The following C10orf90 variants were observed in gnomAD, a reference collection of about 807,000 sequenced individuals.
The protein encoded by C10orf90 is chromosome 10 open reading frame 90, also known as (E2-independent) E3 ubiquitin-conjugating enzyme FATS.
In C10orf90, 56 loss-of-function variants were observed where a neutral mutation model predicts 62.5. The observed-to-expected ratio is 0.90, with a 90% CI of 0.72 to 1.12. The LOEUF is 1.12. Among genes scored for constraint, C10orf90 ranks in the 50% most tolerant of loss-of-function variants. The pLI is 0.00. For synonymous variants in C10orf90, 386 were observed against 340.4 expected, an observed-to-expected ratio of 1.13 and a Z score of -1.47; for missense variants, 970 against 880.4, an observed-to-expected ratio of 1.10 and a Z score of -1.29.
At chr10:126,459,303 T>C (rs1859795707) in intron 6 of C10orf90, 86 bp from the exon 7 acceptor site, 5 of 1,507,526 alleles carry the variant, frequency 3.3e-6, no homozygotes, top group South Asian at 2.3e-5. Flanking sequence ...AAGAAGCCGA[T>C]GGCAAGCACA....
chr10:126,541,467 T>A (rs1263266064), intron 2 of C10orf90, among the ~76,000 whole-genome samples: 2 of 152,122 alleles, frequency 1.3e-5, no homozygotes, highest in South Asian at 4.1e-4. Flanking sequence ...AGGTTTAATA[T>A]CCAGAACATA....
At chr10:126,557,744 C>T (rs567334931) in intron 2 of C10orf90, among the ~76,000 whole-genome samples, 1 of 152,302 alleles carries the variant, frequency 6.6e-6, no homozygotes, top group African/African-American at 2.4e-5. Flanking sequence ...ACTTGTAGCT[C>T]TAATAAGTTC....
chr10:126,565,833 A>T (rs982036683), intron 2 of C10orf90, among the ~76,000 whole-genome samples: 14 of 152,152 alleles, frequency 9.2e-5, no homozygotes, highest in African/African-American at 3.1e-4. Flanking sequence ...CTGTTTTGAG[A>T]CTGAGTGAAC....
chr10:126,599,112 C>T, intron 2 of C10orf90, among the ~76,000 whole-genome samples: 1 of 152,008 alleles, frequency 6.6e-6, no homozygotes, highest in Non-Finnish European at 1.5e-5. Flanking sequence ...GCAAGGTCTC[C>T]TCTGCACACC....
At chr10:126,652,825 G>GAA (rs1846317399) in intron 1 of C10orf90, among the ~76,000 whole-genome samples, 1 of 151,990 alleles carries the variant, frequency 6.6e-6, no homozygotes, top group Non-Finnish European at 1.5e-5. Context: ...ATTCCTTTCA[G>GAA]CATGTTCTAT....
At chr10:126,556,297 G>A (rs578022838) in intron 2 of C10orf90, among the ~76,000 whole-genome samples, 1 of 152,318 alleles carries the variant, frequency 6.6e-6, no homozygotes, top group South Asian at 2.1e-4. Flanking sequence ...GATGCAAGAA[G>A]CGAGATGGGA....
intron 2 of C10orf90, among the ~76,000 whole-genome samples, chr10:126,530,211 C>T (rs560375261): frequency 1.3e-5 from 2 of 151,648 alleles, no homozygotes; most frequent in South Asian, 2.1e-4. Context: ...TACGTATGCA[C>T]ATTAACATGG....
chr10:126,562,431 C>T lies in C10orf90; in HGVS notation c.314-48492G>A, dbSNP rs982283151. Among the ~76,000 whole-genome samples the T allele has an allele frequency of 3.3e-5, 5 of 152,184 alleles. No homozygotes were observed. In the South Asian group the frequency reaches 1.0e-3, roughly 31 times the overall value. On this transcript the variant is annotated intron_variant, in intron 2 of 9. Coordinates refer to ENST00000488181, the MANE Select transcript of C10orf90 (RefSeq NM_001350921.2). ...ACAGGCAATGAGACATTCCTCTTAA[C>T]AGAATCCCTCATTCCTGCAGATAGC...
intron 4 of C10orf90, among the ~76,000 whole-genome samples, chr10:126,465,622 G>C (rs962151852): frequency 3.3e-5 from 5 of 152,248 alleles, no homozygotes; most frequent in South Asian, 2.1e-4. Context: ...CGAATACAGA[G>C]ATAGGAAACA....
At chr10:126,585,563 G>A (rs1482348820) in intron 2 of C10orf90, among the ~76,000 whole-genome samples, 1 of 144,540 alleles carries the variant, frequency 6.9e-6, no homozygotes, top group South Asian at 2.2e-4. Flanking sequence ...GGGAGAGCAG[G>A]AGAAAGAGAG....
chr10:126,452,356 C>T (rs960018539), intron 7 of C10orf90, among the ~76,000 whole-genome samples: 8 of 152,206 alleles, frequency 5.3e-5, no homozygotes, highest in African/African-American at 1.9e-4. Flanking sequence ...TGTAACTTCA[C>T]CGTTTGCTCC....
rs761157453 is a variant in C10orf90 at position 126,636,038 on chromosome 10, T to C, written c.313+10527A>G. On this transcript the variant is annotated intron_variant, in intron 2 of 9. Coordinates refer to ENST00000488181, the MANE Select transcript of C10orf90 (RefSeq NM_001350921.2). ...AAGGTTCCGGGAGGTTTTATAATCATAAGGTCTCCTCATGTACCCAAGGTA... is the reference window on the plus strand; with the variant it reads ...AAGGTTCCGGGAGGTTTTATAATCACAAGGTCTCCTCATGTACCCAAGGTA... Among the ~76,000 whole-genome samples, 27 of 152,280 alleles carry C rather than the reference T, an allele frequency of 1.8e-4. 2 individuals carry two copies. Among genetic ancestry groups the C allele is most frequent in the Middle Eastern group, 6.8e-3 (2 of 294 alleles).
chr10:126,432,440 G>C (rs1351171040), intron 7 of C10orf90, among the ~76,000 whole-genome samples: 1 of 152,220 alleles, frequency 6.6e-6, no homozygotes, highest in East Asian at 1.9e-4. Flanking sequence ...GTCCCTTCAT[G>C]AGATTTCATT....
chr10:126,508,169 G>A (rs11599906), intron 3 of C10orf90, among the ~76,000 whole-genome samples: 1,561 of 114,378 alleles, frequency 0.014, 28 homozygotes, highest in African/African-American at 0.07. Context: ...GAGAGAGAGA[G>A]AGAGAGAGAG....
At chr10:126,476,742 T>C (rs901027943) in intron 4 of C10orf90, among the ~76,000 whole-genome samples, 1 of 152,098 alleles carries the variant, frequency 6.6e-6, no homozygotes, top group East Asian at 1.9e-4. Flanking sequence ...ACAAAACATA[T>C]CTGGTTTATG....
chr10:126,618,675 A>G (rs1204652047), intron 2 of C10orf90, among the ~76,000 whole-genome samples: 1 of 152,182 alleles, frequency 6.6e-6, no homozygotes, highest in Non-Finnish European at 1.5e-5. Context: ...AAAAAAACAA[A>G]TCACAAAGGG....
chr10:126,590,511 TTAGAAC>T (rs1317329742), intron 2 of C10orf90, among the ~76,000 whole-genome samples: 1 of 152,050 alleles, frequency 6.6e-6, no homozygotes, highest in Admixed American at 6.6e-5. Context: ...AACAATAAAA[TTAGAAC>T]TTAATATTAA....
chr10:126,616,353 C>T (rs1162153067), intron 2 of C10orf90, among the ~76,000 whole-genome samples: 1 of 152,162 alleles, frequency 6.6e-6, no homozygotes, highest in Non-Finnish European at 1.5e-5. Flanking sequence ...TTTCAGGGCT[C>T]ACCGGAGGAT....
chr10:126,644,593 G>C (rs1230160035), intron 2 of C10orf90, among the ~76,000 whole-genome samples: 1 of 152,154 alleles, frequency 6.6e-6, no homozygotes, highest in Admixed American at 6.5e-5. Flanking sequence ...CCCAACCCAG[G>C]GTTGCCTGAA....
Sources: gnomAD v4.1 joint callset for allele counts (sites outside exome capture counted in the v4.1 genomes callset) on GRCh38, gnomAD v4.1.1 for gene constraint, MANE v1.5 for transcripts, NCBI Gene and HGNC (gene_info 2026-07-23, HGNC 2026-07-21) for gene names.